The following BOD1L1 variants were observed in gnomAD, a reference collection of about 807,000 sequenced individuals.
The protein encoded by BOD1L1 is biorientation of chromosomes in cell division protein 1-like 1.
Under a neutral mutation model 240.7 loss-of-function variants are expected in BOD1L1, and 86 were observed. That is an observed-to-expected ratio of 0.36 (90% confidence interval 0.30 to 0.43). The LOEUF (loss-of-function observed/expected upper bound fraction) is 0.43. BOD1L1 is among the 20% of genes least tolerant of loss of function. The pLI is 1.00. For missense variants in BOD1L1, 3,554 were observed against 3,643.5 expected (o/e 0.98, Z 0.63); for synonymous variants, 1,268 against 1,272.3 (o/e 1.00, Z 0.07).
chr4:13,603,811 TTAC>T lies in BOD1L1; in HGVS notation c.3086_3088del (p.Ser1029del). ...ATTTTCGTCCTTCTTTTTTATGTCT[TTAC>T]TACTATGCTTTAAGCTTCTGCTTTT... On this transcript the variant is annotated inframe_deletion, in exon 10 of 26. Transcript: ENST00000040738. The T allele has an allele frequency of 2.5e-6, 4 of 1,613,596 alleles. No individual in the cohort carries two copies. Among genetic ancestry groups the T allele is most frequent in the Non-Finnish European group, 3.4e-6 (4 of 1,179,856 alleles).
In BOD1L1 at chr4:13,604,061, T is replaced by A. The variant is rs148934416; in HGVS notation, c.2839A>T (p.Thr947Ser). ...TTPKPDKEKN[T>S]EENDSEKQRK... The stretch of plus-strand genomic sequence containing the variant: ...TGTTTTTCTGAGTCATTTTCTTCTG[T>A]GTTCTTCTCCTTGTCTGGTTTTGGA... Residue 947 changes from threonine (T) to serine (S), a missense_variant, in exon 10 of 26, where the codon ACA becomes TCA. Coordinates refer to ENST00000040738, the MANE Select transcript of BOD1L1 (RefSeq NM_148894.3). The A allele has an allele frequency of 6.2e-7, 1 of 1,613,786 alleles. No individual in the cohort carries two copies. Among genetic ancestry groups the A allele is most frequent in the Non-Finnish European group, 8.5e-7 (1 of 1,179,886 alleles).
intron 1 of BOD1L1, chr4:13,625,112 C>T (rs1201903089): frequency 6.6e-6 from 1 of 152,194 alleles, no homozygotes; most frequent in Non-Finnish European, 1.5e-5. Flanking sequence ...TTTTTATAGT[C>T]ATGCGCCCTG....
chr4:13,581,084 G>C, intron 20 of BOD1L1, 30 bp from the exon 21 acceptor site: 2 of 1,559,440 alleles, frequency 1.3e-6, no homozygotes, highest in Non-Finnish European at 1.7e-6. Flanking sequence ...TTAGAAAATC[G>C]GTTCGAAAAT....
intron 3 of BOD1L1, 94 bp from the exon 4 acceptor site, chr4:13,614,904 T>A: frequency 7.8e-7 from 1 of 1,283,304 alleles, no homozygotes; most frequent in South Asian, 1.5e-5. Flanking sequence ...CTTTATATGA[T>A]GCATATGCTG....
At chr4:13,578,336 C>T (rs1426117857) in intron 22 of BOD1L1, 2 of 152,152 alleles carry the variant, frequency 1.3e-5, no homozygotes, top group African/African-American at 2.4e-5. Flanking sequence ...GGCGGAGCAT[C>T]CCTAATCTGA....
At chr4:13,572,002 AAG>A (rs1178282164) in intron 25 of BOD1L1, among the ~76,000 whole-genome samples, 3 of 152,198 alleles carry the variant, frequency 2.0e-5, no homozygotes, top group African/African-American at 4.8e-5. Context: ...GTGTACAGTG[AAG>A]AGTCTTTTAT....
chr4:13,578,350 T>C (rs1479683515), intron 22 of BOD1L1: 1 of 152,186 alleles, frequency 6.6e-6, no homozygotes, highest in Non-Finnish European at 1.5e-5. Context: ...AATCTGATGA[T>C]CCAAAATTTA....
chr4:13,603,138 C>A lies in BOD1L1; in HGVS notation c.3762G>T (p.Lys1254Asn). The A allele has an allele frequency of 1.9e-6, 3 of 1,614,014 alleles. No individual in the cohort carries two copies. Among genetic ancestry groups the A allele is most frequent in the Admixed American group, 1.7e-5 (1 of 60,026 alleles). The change falls in exon 10 of 26, where the codon AAG becomes AAT. Residue 1254 changes from lysine (K) to asparagine (N), a missense_variant. Around this residue, in one of 2 missense-constraint regions of BOD1L1, gnomAD observed 3,393 missense variants for 3,427.1 expected, o/e 0.99. Transcript: ENST00000040738. ...CTTCAGCAGCTGTGTTTTTCAAATT[C>A]TTCTGTACCCTATCATTTTCTGATG... ...SAPSENDRVQ[K>N]NLKNTAAEEH...
intron 25 of BOD1L1, among the ~76,000 whole-genome samples, chr4:13,570,488 C>T (rs1313159297): frequency 6.6e-6 from 1 of 152,170 alleles, no homozygotes; most frequent in Non-Finnish European, 1.5e-5. Context: ...TACAGACTGT[C>T]CCAAGTTCAA....
In BOD1L1 at chr4:13,602,023, C is replaced by G. The variant is rs1166191332; in HGVS notation, c.4877G>C (p.Arg1626Thr). ...ATGCACAGCCAGTAGGTCTGCTGCT[C>G]TGTCCTCAGATTCAGCCACAGCACA... ...GECAVAESED[R>T]AADLLAVHAV... Residue 1626 changes from arginine to threonine, a missense_variant, in exon 10 of 26, where the codon AGA becomes ACA. Physicochemically the swap from Arg to Thr is moderately conservative, Grantham distance 71 (BLOSUM62 -1). This residue lies in a region of BOD1L1 where 3,393 missense variants were observed against 3,427.1 expected (regional missense o/e 0.99). Coordinates refer to ENST00000040738, the MANE Select transcript of BOD1L1 (RefSeq NM_148894.3). 5 of 1,613,872 alleles carry G rather than the reference C, an allele frequency of 3.1e-6. No individual in the cohort carries two copies. Among genetic ancestry groups the G allele is most frequent in the Non-Finnish European group, 4.2e-6 (5 of 1,179,906 alleles).
chr4:13,596,970 G>T, intron 11 of BOD1L1, 134 bp downstream of exon 11: 1 of 681,452 alleles, frequency 1.5e-6, no homozygotes, highest in Non-Finnish European at 2.4e-6. Context: ...CACAGGATAT[G>T]GCAATAACAA....
intron 9 of BOD1L1, among the ~76,000 whole-genome samples, chr4:13,606,904 G>C (rs1715750286): frequency 6.6e-6 from 1 of 152,130 alleles, no homozygotes; most frequent in Non-Finnish European, 1.5e-5. Context: ...AAGAAGAGTA[G>C]CTATTACCTA....
chr4:13,582,311 C>T lies in BOD1L1; in HGVS notation c.8519-1G>A. 6.2e-7 allele frequency: 1 copy of T among 1,612,370 alleles called. No individual in the cohort carries two copies. The highest frequency in any genetic ancestry group is 8.5e-7 in the Non-Finnish European group (1 of 1,179,128). ...GTAGTTTCACTGCTGCTATATTCAT[C>T]TGTAGAAAAGGAAGAACTTTGTTCA... On this transcript the variant is annotated splice_acceptor_variant, in intron 18 of 25. Coordinates refer to ENST00000040738, the MANE Select transcript of BOD1L1 (RefSeq NM_148894.3). LOFTEE classifies it high-confidence loss of function.
intron 2 of BOD1L1, among the ~76,000 whole-genome samples, chr4:13,619,305 TAAAA>T (rs10650324): frequency 7.6e-6 from 1 of 130,796 alleles, no homozygotes; most frequent in Non-Finnish European, 1.6e-5. Context: ...TGAGACTCTT[TAAAA>T]AAAAAAAAAA....
Position 13,599,952 on chromosome 4 carries a change from G to A in BOD1L1, c.6948C>T (p.Leu2316=). The A allele has an allele frequency of 4.3e-6, 7 of 1,612,772 alleles. No homozygotes were observed. The highest frequency in any genetic ancestry group is 5.9e-6 in the Non-Finnish European group (7 of 1,179,320). Residue 2316 remains leucine (L), a synonymous_variant, in exon 10 of 26, where the codon CTC becomes CTT. Transcript: ENST00000040738. ...TCAAGTCTTCTACTCTTGTGATGGT[G>A]AGCCGATCTTCATCCTGGAGGACAG... is the stretch of plus-strand genomic sequence containing the variant. ...IGAVLQDEDR[L]TITRVEDLSD...
At chr4:13,624,133 G>A (rs115122301) in intron 1 of BOD1L1, 5 of 152,008 alleles carry the variant, frequency 3.3e-5, no homozygotes, top group Non-Finnish European at 4.4e-5. Context: ...GGGAGTAGAA[G>A]AGAAGGAGAG....
Position 13,600,598 on chromosome 4 carries a change from G to A in BOD1L1, c.6302C>T (p.Thr2101Ile). The change falls in exon 10 of 26, where the codon ACT (threonine) becomes ATT (isoleucine). Residue 2101 changes from threonine (T) to isoleucine (I), a missense_variant. Physicochemically the swap from Thr to Ile is moderately conservative, Grantham distance 89 (BLOSUM62 -1). Coordinates refer to ENST00000040738, the MANE Select transcript of BOD1L1 (RefSeq NM_148894.3). ...TCTGGTACCTTCCATATTTTCTTCA[G>A]TTCTCAGAGCATCTGAGAGACCTCC... is the stretch of plus-strand genomic sequence containing the variant. ...VEGGLSDALRTEENMEGTRVT... is the reference protein window; with the variant it reads ...VEGGLSDALRIEENMEGTRVT... 6.2e-7 allele frequency: 1 copy of A among 1,613,710 alleles called. No individual in the cohort carries two copies. Among genetic ancestry groups the A allele is most frequent in the East Asian group, 2.2e-5 (1 of 44,836 alleles).
At chr4:13,606,611 G>A (rs1412728427) in intron 9 of BOD1L1, among the ~76,000 whole-genome samples, 1 of 152,120 alleles carries the variant, frequency 6.6e-6, no homozygotes, top group Non-Finnish European at 1.5e-5. Context: ...ATAAGGACAT[G>A]CTTAAATAAA....
intron 10 of BOD1L1, 84 bp from the exon 11 acceptor site, chr4:13,597,252 A>T (rs1292761410): frequency 9.9e-7 from 1 of 1,008,594 alleles, no homozygotes; most frequent in African/African-American, 1.6e-5. Flanking sequence ...GAATGTGGTT[A>T]TCTGACATGC....
Sources: allele counts gnomAD v4.1 joint callset (sites outside exome capture counted in the v4.1 genomes callset), GRCh38; gene constraint gnomAD v4.1.1; regional missense constraint gnomAD v4.1.1; transcripts MANE v1.5; gene names NCBI Gene and HGNC (gene_info 2026-07-23, HGNC 2026-07-21).